Variants in C13orf46 observed in about 807,000 individuals in gnomAD.
C13orf46 encodes the protein uncharacterized protein C13orf46.
downstream of C13orf46, among the ~76,000 whole-genome samples, chr13:113,951,361 C>T (rs974864977): frequency 1.1e-4 from 16 of 152,162 alleles, no homozygotes; most frequent in East Asian, 3.9e-4. Flanking sequence ...GGGCTGGAGC[C>T]GGGCGGGGCC....
chr13:113,973,054 C>T (rs145941951), intron 1 of C13orf46, among the ~76,000 whole-genome samples: 6 of 152,324 alleles, frequency 3.9e-5, no homozygotes, highest in African/African-American at 9.6e-5. Context: ...CCGGTCCCTG[C>T]TGCCGGTGGA....
At chr13:113,931,212 G>T in the C13orf46 span, among the ~76,000 whole-genome samples, 1 of 152,198 alleles carries the variant, frequency 6.6e-6, no homozygotes, top group African/African-American at 2.4e-5. Flanking sequence ...TACCACAGAT[G>T]ACTCATTCTG....
the C13orf46 span, among the ~76,000 whole-genome samples, chr13:113,935,307 G>C: frequency 6.6e-6 from 1 of 152,240 alleles, no homozygotes; most frequent in African/African-American, 2.4e-5. Context: ...TGGGAGGGGC[G>C]ACTGCAGAGG....
chr13:113,953,101 C>T (rs994305964), downstream of C13orf46, among the ~76,000 whole-genome samples: 3 of 152,258 alleles, frequency 2.0e-5, no homozygotes, highest in Admixed American at 6.5e-5. Flanking sequence ...CTGAGTTCAG[C>T]GCCCACTGAG....
At chr13:113,945,542 A>C in the C13orf46 span, among the ~76,000 whole-genome samples, 542 of 59,856 alleles carry the variant, frequency 9.1e-3, 8 homozygotes, top group East Asian at 0.057. Context: ...AGAATCTGAG[A>C]AAGAAAGAAA....
At chr13:113,958,087 C>T in intron 6 of C13orf46, among the ~76,000 whole-genome samples, 1 of 150,138 alleles carries the variant, frequency 6.7e-6, no homozygotes, top group East Asian at 2.0e-4. Flanking sequence ...TCTGTATGCA[C>T]CCCCTTTCAT....
downstream of C13orf46, among the ~76,000 whole-genome samples, chr13:113,953,190 G>A (rs1045010227): frequency 7.9e-5 from 12 of 152,190 alleles, no homozygotes; most frequent in African/African-American, 2.9e-4. Flanking sequence ...TGAACAGCTC[G>A]CTCGGGACCT....
the C13orf46 span, among the ~76,000 whole-genome samples, chr13:113,936,536 T>C: frequency 6.6e-6 from 1 of 152,302 alleles, no homozygotes; most frequent in Non-Finnish European, 1.5e-5. Context: ...GGAAACCGTT[T>C]CCTGGCCAGT....
the C13orf46 span, among the ~76,000 whole-genome samples, chr13:113,935,510 G>T: frequency 1.3e-5 from 2 of 152,226 alleles, no homozygotes; most frequent in Admixed American, 6.5e-5. Context: ...TACCAACCCT[G>T]GCTTTTGTGG....
the C13orf46 span, among the ~76,000 whole-genome samples, chr13:113,947,588 C>G: frequency 6.6e-6 from 1 of 152,306 alleles, no homozygotes; most frequent in African/African-American, 2.4e-5. Context: ...AAGCAGCTGG[C>G]ATCACAGTGG....
At chr13:113,959,634 T>C (rs1257653557) in intron 6 of C13orf46, among the ~76,000 whole-genome samples, 1 of 152,242 alleles carries the variant, frequency 6.6e-6, no homozygotes, top group African/African-American at 2.4e-5. Flanking sequence ...CATTAAGGCA[T>C]ACCAGGCTTT....
At chr13:113,929,617 G>T in the C13orf46 span, among the ~76,000 whole-genome samples, 12 of 152,224 alleles carry the variant, frequency 7.9e-5, no homozygotes, top group African/African-American at 2.4e-4. Flanking sequence ...GCTGGTCACC[G>T]GGAGTGACCA....
At chr13:113,945,557 GAAAGAAAGAAAGAAAGAA>G in the C13orf46 span, among the ~76,000 whole-genome samples, 416 of 116,224 alleles carry the variant, frequency 3.6e-3, 7 homozygotes, top group Middle Eastern at 4.5e-3. Flanking sequence ...AAGAAAGAAA[GAAAGAAAGAAAGAAAGAA>G]AGAGAGAGAG....
the C13orf46 span, among the ~76,000 whole-genome samples, chr13:113,940,526 A>G: frequency 3.6e-3 from 286 of 80,336 alleles, no homozygotes; most frequent in African/African-American, 9.4e-3. Context: ...TGTGAGGCTG[A>G]GCGTTCGAGA....
the C13orf46 span, chr13:113,928,222 G>T: frequency 6.6e-6 from 1 of 152,296 alleles, no homozygotes; most frequent in Non-Finnish European, 1.5e-5. Context: ...AGCTCCCATC[G>T]TGGAGGGGGG....
the C13orf46 span, among the ~76,000 whole-genome samples, chr13:113,943,975 TCTC>T: frequency 6.6e-6 from 1 of 152,096 alleles, no homozygotes; most frequent in Non-Finnish European, 1.5e-5. Context: ...CTGCCTCTCC[TCTC>T]CTCTGGCTCG....
At chr13:113,945,847 A>G in the C13orf46 span, among the ~76,000 whole-genome samples, 2 of 152,094 alleles carry the variant, frequency 1.3e-5, no homozygotes, top group Non-Finnish European at 2.9e-5. Context: ...AGATCTGGCC[A>G]TTGCCAGTCT....
chr13:113,928,713 C>G, the C13orf46 span: 1 of 152,444 alleles, frequency 6.6e-6, no homozygotes, highest in Non-Finnish European at 1.5e-5. Flanking sequence ...ATGCGTCCTC[C>G]TGAGTGCTGC....
chr13:113,927,834 T>C, the C13orf46 span: 6 of 386,728 alleles, frequency 1.6e-5, 1 homozygote, highest in African/African-American at 2.1e-5. Flanking sequence ...ACCAACGTGC[T>C]TTCCATGTCC....
Sources: gnomAD v4.1 joint callset for allele counts (sites outside exome capture counted in the v4.1 genomes callset) on GRCh38, gnomAD v4.1.1 for gene constraint, MANE v1.5 for transcripts, NCBI Gene and HGNC (gene_info 2026-07-23, HGNC 2026-07-21) for gene names.